The following HHIP variants were observed in gnomAD, a reference collection of about 807,000 sequenced individuals.
HHIP encodes the protein hedgehog interacting protein.
HHIP carries 12 observed loss-of-function variants against 74.0 expected under a neutral mutation model. The ratio of observed to expected loss-of-function variants is 0.16; its 90% CI spans 0.10 to 0.26. HHIP has a LOEUF of 0.26. Among genes scored for constraint, HHIP ranks in the 10% least tolerant of loss-of-function variants. The pLI, the probability that HHIP is intolerant of heterozygous loss-of-function variation, is 1.00. For synonymous variants in HHIP, 309 were observed against 311.6 expected, an observed-to-expected ratio of 0.99 and a Z score of 0.09; for missense variants, 788 against 845.0, an observed-to-expected ratio of 0.93 and a Z score of 0.84.
At chr4:144,712,981 T>C (rs184945009) in intron 8 of HHIP, among the ~76,000 whole-genome samples, 140 of 150,720 alleles carry the variant, frequency 9.3e-4, no homozygotes, top group African/African-American at 3.1e-3. Flanking sequence ...AATGAGTCAC[T>C]AGCTCGATGG....
Position 144,715,256 on chromosome 4 carries a change from A to G in HHIP, c.1548-44A>G, listed in dbSNP as rs201922679. On this transcript the variant is annotated intron_variant, in intron 9 of 12. Transcript: ENST00000296575. ...AACATCTTATTGTCATCAATAAACAAAAGTGTGTATTCATTGTAGCTTTAT... is the reference window on the plus strand; with the variant it reads ...AACATCTTATTGTCATCAATAAACAGAAGTGTGTATTCATTGTAGCTTTAT... 1.4e-5 allele frequency: 22 copies of G among 1,567,132 alleles called. No homozygotes were observed. In the African/African-American group the frequency reaches 3.0e-4, roughly 21 times the overall value.
chr4:144,656,800 T>C (rs927523995), intron 2 of HHIP, among the ~76,000 whole-genome samples: 4 of 148,734 alleles, frequency 2.7e-5, no homozygotes, highest in Non-Finnish European at 6.0e-5. Context: ...AACAATTTAG[T>C]TTTTTTTTTC....
intron 6 of HHIP, among the ~76,000 whole-genome samples, chr4:144,707,918 AT>A (rs1264919964): frequency 1.3e-5 from 2 of 152,044 alleles, no homozygotes; most frequent in East Asian, 1.9e-4. Flanking sequence ...TCATTTTAAA[AT>A]TTTTTGTAGA....
intron 11 of HHIP, 51 bp downstream of exon 11, chr4:144,719,007 AT>A (rs1257888191): frequency 4.6e-6 from 5 of 1,075,644 alleles, no homozygotes; most frequent in Non-Finnish European, 7.2e-6. Context: ...TCTTCCAATT[AT>A]TTTAGTTCAT....
intron 7 of HHIP, 128 bp from the exon 8 acceptor site, chr4:144,711,822 G>C: frequency 1.3e-6 from 1 of 779,208 alleles, no homozygotes; most frequent in Admixed American, 2.4e-5. Flanking sequence ...CTTTCTAGAA[G>C]ATCCAAACTA....
At chr4:144,706,175 A>G (rs1730128211) in intron 4 of HHIP, among the ~76,000 whole-genome samples, 2 of 152,180 alleles carry the variant, frequency 1.3e-5, no homozygotes, top group African/African-American at 4.8e-5. Flanking sequence ...GAACCTTTTT[A>G]TTTGTCTTCT....
chr4:144,715,277 T>C, intron 9 of HHIP, 23 bp from the exon 10 acceptor site: 1 of 1,608,294 alleles, frequency 6.2e-7, no homozygotes, highest in Non-Finnish European at 8.5e-7. Flanking sequence ...TCATTGTAGC[T>C]TTATGGTATG....
chr4:144,716,147 C>G (rs550262927), intron 10 of HHIP, among the ~76,000 whole-genome samples: 2 of 152,158 alleles, frequency 1.3e-5, no homozygotes, highest in Admixed American at 1.3e-4. Flanking sequence ...AATATTCAAA[C>G]AAACCTTAAC....
intron 2 of HHIP, among the ~76,000 whole-genome samples, chr4:144,655,935 T>C (rs941161636): frequency 7.2e-5 from 11 of 152,112 alleles, no homozygotes; most frequent in Non-Finnish European, 1.5e-4. Flanking sequence ...GCAGAATATT[T>C]ACAGATCCAA....
Position 144,737,893 on chromosome 4 carries a change from G to A in HHIP, c.2039G>A (p.Gly680Asp). The A allele has an allele frequency of 6.2e-7, 1 of 1,613,408 alleles. No individual in the cohort carries two copies. The highest frequency in any genetic ancestry group is 1.1e-5 in the South Asian group (1 of 91,032). ...DRNIRRVTRA[G>D]ILDQIIDMTS... ...AACATCCGCAGAGTGACCAGGGCAG[G>A]TATTCTTGATCAGATCATTGACATG... The change falls in exon 13 of 13, where the codon GGT becomes GAT. Residue 680 changes from glycine (G) to aspartate (D), a missense_variant. By Grantham distance (94) the Gly-to-Asp change is moderately conservative. Around this residue, in one of 3 missense-constraint regions of HHIP, gnomAD observed 343 missense variants for 347.9 expected, o/e 0.99. Coordinates refer to ENST00000296575, the MANE Select transcript of HHIP (RefSeq NM_022475.3).
chr4:144,659,318 G>A (rs1274986845), intron 3 of HHIP, among the ~76,000 whole-genome samples: 2 of 151,998 alleles, frequency 1.3e-5, no homozygotes, highest in Non-Finnish European at 2.9e-5. Flanking sequence ...CCTTCCATAA[G>A]GTTTATTTAT....
intron 4 of HHIP, among the ~76,000 whole-genome samples, chr4:144,668,133 GT>G (rs1462351408): frequency 2.0e-5 from 3 of 151,504 alleles, no homozygotes; most frequent in Non-Finnish European, 4.4e-5. Context: ...CCTGGCCGAC[GT>G]GGTGAAACCC....
In HHIP at chr4:144,715,389, AC is replaced by A; in HGVS notation, c.1638del (p.Ser548ProfsTer12). The A allele has an allele frequency of 6.2e-7, 1 of 1,613,502 alleles. No individual in the cohort carries two copies. The highest frequency in any genetic ancestry group is 8.5e-7 in the Non-Finnish European group (1 of 1,179,562). On this transcript the variant is annotated frameshift_variant, in exon 10 of 13. Transcript: ENST00000296575. LOFTEE classifies it high-confidence loss of function. The part of the protein sequence containing the change: ...CLGTSGSCRG[Y>X]FSGHILGFGE... ...GGCACTAGTGGGTCCTGTAGAGGCT[AC>A]TTTTCCGGTCACATCTTGGGATTTG... is the stretch of plus-strand genomic sequence containing the variant.
chr4:144,716,854 GAAAAAAAAAAAAA>G (rs869028218), intron 10 of HHIP, among the ~76,000 whole-genome samples: 124 of 54,656 alleles, frequency 2.3e-3, no homozygotes, highest in African/African-American at 6.4e-3. Flanking sequence ...CGTCTCAAAA[GAAAAAAAAAAAAA>G]AAAAAAAAAA....
Position 144,652,567 on chromosome 4 carries a change from C to G in HHIP, c.280-38C>G, listed in dbSNP as rs1049299313. 6 of 1,256,810 alleles carry G rather than the reference C, an allele frequency of 4.8e-6. No homozygotes were observed. In the Admixed American group the frequency reaches 8.5e-5, roughly 18 times the overall value. The allele number at this position is 1,256,810 out of a possible 1,614,324, so 77.9% of individuals were successfully genotyped here. A position where few individuals can be genotyped will look rare whatever the true frequency, so the allele number is the denominator to read the frequency against. ...TAATAATAGCTAAACCTAAATTTAC[C>G]TACTAAAAAAAGTTTGCTTCTGATT... On this transcript the variant is annotated intron_variant, in intron 1 of 12. Coordinates refer to ENST00000296575, the MANE Select transcript of HHIP (RefSeq NM_022475.3).
intron 11 of HHIP, among the ~76,000 whole-genome samples, chr4:144,729,161 A>G (rs1337519488): frequency 6.6e-6 from 1 of 152,198 alleles, no homozygotes; most frequent in African/African-American, 2.4e-5. Context: ...AAAGCTCCAC[A>G]GATGGAAGAC....
chr4:144,658,861 G>A lies in HHIP; in HGVS notation c.544G>A (p.Asp182Asn). 6.2e-7 allele frequency: 1 copy of A among 1,613,748 alleles called. No individual in the cohort carries two copies. The highest frequency in any genetic ancestry group is 1.3e-5 in the African/African-American group (1 of 75,008). The change falls in exon 3 of 13, where the codon GAT becomes AAT. Residue 182 changes from aspartate to asparagine, a missense_variant. Asp to Asn is a conservative substitution (Grantham distance 23). Coordinates refer to ENST00000296575, the MANE Select transcript of HHIP (RefSeq NM_022475.3). ...AAAAGATGGTGGGTTGTGCTTTCCA[G>A]ATTTTCCAAGAAAACAAGTCAGAGG... The part of the protein sequence containing the change: ...ARKDGGLCFP[D>N]FPRKQVRGPA...
At chr4:144,669,805 AG>A (rs71590471) in intron 4 of HHIP, among the ~76,000 whole-genome samples, 54,520 of 151,488 alleles carry the variant, frequency 0.36, 11,112 homozygotes, top group South Asian at 0.52. Flanking sequence ...TTGTGGTAAG[AG>A]TTTTTTCAAA....
At chr4:144,658,270 C>A (rs1331319363) in intron 2 of HHIP, among the ~76,000 whole-genome samples, 2 of 152,124 alleles carry the variant, frequency 1.3e-5, no homozygotes, top group African/African-American at 4.8e-5. Context: ...AATATTATTT[C>A]ACTTTTACCA....
Sources: allele counts gnomAD v4.1 joint callset (sites outside exome capture counted in the v4.1 genomes callset), GRCh38; gene constraint gnomAD v4.1.1; regional missense constraint gnomAD v4.1.1; transcripts MANE v1.5; gene names NCBI Gene and HGNC (gene_info 2026-07-23, HGNC 2026-07-21).